The following HPSE2 variants were observed in gnomAD, a reference collection of about 807,000 sequenced individuals.
HPSE2 encodes the protein inactive heparanase-2.
HPSE2 carries 38 observed loss-of-function variants against 60.5 expected under a neutral mutation model. The observed-to-expected ratio is 0.63, with a 90% CI of 0.48 to 0.82. The LOEUF (loss-of-function observed/expected upper bound fraction) is 0.82. Ranked by LOEUF, HPSE2 falls within the 40% of genes least tolerant of loss-of-function variation. The pLI, the probability that HPSE2 is intolerant of heterozygous loss-of-function variation, is 0.00. For synonymous variants in HPSE2, 295 were observed against 293.2 expected, an observed-to-expected ratio of 1.01 and a Z score of -0.06; for missense variants, 713 against 740.4, an observed-to-expected ratio of 0.96 and a Z score of 0.43.
chr10:98,465,951 G>A (rs993530964), intron 11 of HPSE2, among the ~76,000 whole-genome samples: 5 of 152,168 alleles, frequency 3.3e-5, no homozygotes, highest in Non-Finnish European at 7.3e-5. Flanking sequence ...TTTAAAATGG[G>A]ATTCAAAGTG....
At chr10:98,926,219 A>C (rs950579001) in intron 3 of HPSE2, among the ~76,000 whole-genome samples, 1 of 152,156 alleles carries the variant, frequency 6.6e-6, no homozygotes, top group Non-Finnish European at 1.5e-5. Context: ...GTGCTATTGG[A>C]AAATACATCA....
chr10:98,943,077 G>C (rs1028104302), intron 3 of HPSE2, among the ~76,000 whole-genome samples: 3 of 108,696 alleles, frequency 2.8e-5, no homozygotes, highest in African/African-American at 1.1e-4. Flanking sequence ...TCTGGGGACT[G>C]TTGTGGGGTG....
intron 3 of HPSE2, among the ~76,000 whole-genome samples, chr10:98,955,345 TA>T (rs1372474243): frequency 4.6e-5 from 7 of 152,222 alleles, no homozygotes; most frequent in Admixed American, 4.6e-4. Flanking sequence ...TGGACAAACA[TA>T]TTTTTTTAAA....
intron 9 of HPSE2, among the ~76,000 whole-genome samples, chr10:98,581,895 C>A (rs1944808711): frequency 6.6e-6 from 1 of 152,088 alleles, no homozygotes; most frequent in Non-Finnish European, 1.5e-5. Flanking sequence ...ATAATTTATC[C>A]TTTAGTAAAT....
At chr10:98,955,453 A>C (rs749426536) in intron 3 of HPSE2, among the ~76,000 whole-genome samples, 3 of 152,188 alleles carry the variant, frequency 2.0e-5, no homozygotes, top group Non-Finnish European at 4.4e-5. Flanking sequence ...GAAAGTTAAG[A>C]AACAACAGAT....
intron 2 of HPSE2, among the ~76,000 whole-genome samples, chr10:99,171,916 T>G (rs1343758553): frequency 6.6e-6 from 1 of 152,168 alleles, no homozygotes; most frequent in Non-Finnish European, 1.5e-5. Context: ...TAGGAATAAC[T>G]TCACCAAAGG....
chr10:98,591,461 G>C (rs968058087), intron 9 of HPSE2, among the ~76,000 whole-genome samples: 1 of 152,080 alleles, frequency 6.6e-6, no homozygotes, highest in East Asian at 1.9e-4. Flanking sequence ...CTAGGAGTTC[G>C]AGACCAGCCT....
At chr10:98,604,423 T>A (rs1178039092) in intron 9 of HPSE2, among the ~76,000 whole-genome samples, 1 of 151,984 alleles carries the variant, frequency 6.6e-6, no homozygotes. Flanking sequence ...TGAGGATATA[T>A]CAATAGAAAT....
chr10:98,860,911 T>C (rs996814762), intron 3 of HPSE2, among the ~76,000 whole-genome samples: 3 of 152,172 alleles, frequency 2.0e-5, no homozygotes, highest in Admixed American at 2.0e-4. Context: ...CTCCCAACCT[T>C]AGGCACATAC....
chr10:98,866,324 C>T (rs368472062), intron 3 of HPSE2, among the ~76,000 whole-genome samples: 3 of 151,676 alleles, frequency 2.0e-5, no homozygotes, highest in African/African-American at 7.3e-5. Context: ...AAATGAAATC[C>T]ACTGAGAAAG....
chr10:98,708,827 A>C (rs539746365), intron 5 of HPSE2, among the ~76,000 whole-genome samples: 1 of 152,334 alleles, frequency 6.6e-6, no homozygotes, highest in Admixed American at 6.5e-5. Flanking sequence ...TGTTTCCAGA[A>C]GTCTTCGAAT....
At chr10:99,226,207 T>C (rs1849467876) in intron 2 of HPSE2, among the ~76,000 whole-genome samples, 2 of 151,976 alleles carry the variant, frequency 1.3e-5, no homozygotes, top group Non-Finnish European at 2.9e-5. Context: ...TGTCTCTCTC[T>C]CTCTAAGGTC....
rs1185811740 is a variant in HPSE2, at chr10:98,941,474, T to C, written c.611-197418A>G. ...AGCCAAATCATCAGTGAACTCCCAT[T>C]CACAATTGCTTCAAAGAGAATAAAA... On this transcript the variant is annotated intron_variant, in intron 3 of 11. Transcript: ENST00000370552. Among the ~76,000 whole-genome samples the C allele has an allele frequency of 4.2e-5, 6 of 141,338 alleles. 2 individuals are homozygous for C. Among genetic ancestry groups the C allele is most frequent in the Admixed American group, 2.8e-4 (4 of 14,164 alleles). 92.7% of individuals were successfully genotyped at this position (141,338 alleles called of 152,430 possible). A position where few individuals can be genotyped will look rare whatever the true frequency, so the allele number is the denominator to read the frequency against.
chr10:98,709,367 A>G (rs1399011038), intron 5 of HPSE2, among the ~76,000 whole-genome samples: 1 of 152,204 alleles, frequency 6.6e-6, no homozygotes, highest in Non-Finnish European at 1.5e-5. Context: ...ATGAAGGTAC[A>G]AGTTAATGAT....
At position 98,697,896 on chromosome 10, in the gene HPSE2, C is replaced by A. The variant is rs566392990; in HGVS notation, c.957-3949G>T. Among the ~76,000 whole-genome samples, 129 of 151,648 alleles carry A rather than the reference C, an allele frequency of 8.5e-4. 1 individual carries two copies. The highest frequency in any genetic ancestry group is 2.6e-4 in the Non-Finnish European group (18 of 67,930). ...CAAAGATCAAAAGAGACAAAGAAGG[C>A]CATTACATAATGGTAAAGGGATCAA... On this transcript the variant is annotated intron_variant, in intron 5 of 11. Coordinates refer to ENST00000370552, the MANE Select transcript of HPSE2 (RefSeq NM_021828.5).
chr10:98,470,134 CAT>C (rs1462832296), intron 11 of HPSE2, among the ~76,000 whole-genome samples: 15 of 108,968 alleles, frequency 1.4e-4, no homozygotes, highest in African/African-American at 3.8e-4. Flanking sequence ...TGTATGCACA[CAT>C]GTTAACACAC....
intron 3 of HPSE2, among the ~76,000 whole-genome samples, chr10:99,067,012 G>T (rs1842638765): frequency 1.3e-5 from 2 of 152,198 alleles, no homozygotes; most frequent in Admixed American, 1.3e-4. Flanking sequence ...CCAAATGGGA[G>T]AAACTGGCCA....
chr10:98,761,733 G>A (rs1000189828), intron 3 of HPSE2, among the ~76,000 whole-genome samples: 19 of 152,236 alleles, frequency 1.2e-4, no homozygotes, highest in African/African-American at 4.6e-4. Flanking sequence ...GTAAACAGTA[G>A]CAAGCGGACT....
At chr10:99,104,662 C>T (rs1039784274) in intron 3 of HPSE2, among the ~76,000 whole-genome samples, 3 of 152,128 alleles carry the variant, frequency 2.0e-5, no homozygotes, top group Non-Finnish European at 4.4e-5. Context: ...GGAACCAACC[C>T]AAATGTCCAT....
Sources: allele counts gnomAD v4.1 joint callset (sites outside exome capture counted in the v4.1 genomes callset), GRCh38; gene constraint gnomAD v4.1.1; transcripts MANE v1.5; gene names NCBI Gene and HGNC (gene_info 2026-07-23, HGNC 2026-07-21).